Variants in DYRK1A observed in about 807,000 individuals in gnomAD.
The protein encoded by DYRK1A is dual specificity tyrosine-phosphorylation-regulated kinase 1A.
A neutral mutation model predicts 79.7 loss-of-function variants in DYRK1A; 9 were observed. That is an observed-to-expected ratio of 0.11 (90% CI 0.07 to 0.20). The LOEUF is 0.20. Among genes scored for constraint, DYRK1A ranks in the 10% least tolerant of loss-of-function variants. The probability of loss-of-function intolerance (pLI) is 1.00; values close to 1 mark genes in which losing one functional copy is unlikely to be tolerated. For missense variants in DYRK1A, 622 were observed against 956.0 expected (o/e 0.65, Z 4.61); for synonymous variants, 349 against 329.7 (o/e 1.06, Z -0.63).
chr21:37,470,390 C>T (rs2148550607), intron 2 of DYRK1A, among the ~76,000 whole-genome samples: 1 of 152,204 alleles, frequency 6.6e-6, no homozygotes, highest in East Asian at 1.9e-4. Context: ...TAGTATATAA[C>T]AGTGACATAG....
intron 1 of DYRK1A, among the ~76,000 whole-genome samples, chr21:37,395,338 G>C (rs1008868617): frequency 6.6e-6 from 1 of 152,180 alleles, no homozygotes; most frequent in Non-Finnish European, 1.5e-5. Context: ...TTCTCTGTAA[G>C]GATGATGTCG....
chr21:37,430,891 T>C (rs993745709), intron 2 of DYRK1A, among the ~76,000 whole-genome samples: 7 of 152,144 alleles, frequency 4.6e-5, no homozygotes, highest in Non-Finnish European at 8.8e-5. Context: ...ATGCGGCAGA[T>C]AGTTGTTTAG....
At chr21:37,397,921 T>A (rs950562310) in intron 1 of DYRK1A, among the ~76,000 whole-genome samples, 2 of 152,014 alleles carry the variant, frequency 1.3e-5, no homozygotes, top group East Asian at 3.9e-4. Context: ...GAGTTGTATT[T>A]CAAATTATTT....
At chr21:37,410,368 GA>G (rs2050221217) in intron 1 of DYRK1A, among the ~76,000 whole-genome samples, 2 of 152,174 alleles carry the variant, frequency 1.3e-5, no homozygotes, top group Admixed American at 1.3e-4. Flanking sequence ...AGGAATTTAG[GA>G]GATAATTTAT....
chr21:37,391,582 A>AT (rs2049870924), intron 1 of DYRK1A, among the ~76,000 whole-genome samples: 1 of 152,046 alleles, frequency 6.6e-6, no homozygotes, highest in South Asian at 2.1e-4. Context: ...GCCTTTTATT[A>AT]TTTTTTGCAG....
At chr21:37,378,648 C>G (rs972529818) in intron 1 of DYRK1A, among the ~76,000 whole-genome samples, 1 of 152,194 alleles carries the variant, frequency 6.6e-6, no homozygotes, top group Non-Finnish European at 1.5e-5. Flanking sequence ...TCTTGTTCTT[C>G]TTCAATTGAG....
chr21:37,445,786 A>C (rs1223967063), intron 2 of DYRK1A, among the ~76,000 whole-genome samples: 1 of 152,156 alleles, frequency 6.6e-6, no homozygotes, highest in Non-Finnish European at 1.5e-5. Flanking sequence ...AGTCATTTGT[A>C]ATCAGATGCC....
chr21:37,377,876 C>T (rs1389865094), intron 1 of DYRK1A, among the ~76,000 whole-genome samples: 1 of 152,208 alleles, frequency 6.6e-6, no homozygotes, highest in Non-Finnish European at 1.5e-5. Flanking sequence ...CTGGTGCGTA[C>T]TTCCTTGCAT....
chr21:37,487,555 A>G (rs2052916419), intron 6 of DYRK1A: 1 of 152,180 alleles, frequency 6.6e-6, no homozygotes, highest in Non-Finnish European at 1.5e-5. Context: ...TAAGATCAGC[A>G]CAGAGCCATA....
chr21:37,440,224 C>A (rs1461394568), intron 2 of DYRK1A, among the ~76,000 whole-genome samples: 57 of 139,290 alleles, frequency 4.1e-4, no homozygotes, highest in Admixed American at 1.5e-4. Flanking sequence ...CAACCTCCGC[C>A]CCCTGGGTTC....
At chr21:37,426,704 A>T (rs2050628657) in intron 2 of DYRK1A, among the ~76,000 whole-genome samples, 1 of 150,996 alleles carries the variant, frequency 6.6e-6, no homozygotes. Flanking sequence ...AGGTCAGGAG[A>T]TCGAGACCAT....
chr21:37,431,498 C>T (rs557926148), intron 2 of DYRK1A, among the ~76,000 whole-genome samples: 13 of 152,228 alleles, frequency 8.5e-5, no homozygotes, highest in South Asian at 2.1e-4. Context: ...CTTTGGGTTT[C>T]GACCGGGTGT....
At chr21:37,384,586 CAG>C (rs1569282409) in intron 1 of DYRK1A, among the ~76,000 whole-genome samples, 1 of 152,138 alleles carries the variant, frequency 6.6e-6, no homozygotes, top group Non-Finnish European at 1.5e-5. Flanking sequence ...AGGAATATAA[CAG>C]ATCCCAATAT....
In DYRK1A at chr21:37,517,313, G is replaced by C. The variant is rs374338845; in HGVS notation, c.*4782G>C. On this transcript the variant is annotated 3_prime_UTR_variant, in exon 12 of 12. Coordinates refer to ENST00000647188, the MANE Select transcript of DYRK1A (RefSeq NM_001347721.2). ...CCCAGCTCTGTTCGCATGGGAGGCC[G>C]GGCGATGCTGGCATGGGTGTGGTTG... The C allele has an allele frequency of 6.6e-6, 1 of 152,268 alleles. No homozygotes were observed. The highest frequency in any genetic ancestry group is 1.5e-5 in the Non-Finnish European group (1 of 68,124). 9.4% of individuals were successfully genotyped at this position (152,268 alleles called of 1,614,324 possible).
chr21:37,473,894 C>G (rs2052311949), intron 3 of DYRK1A, among the ~76,000 whole-genome samples: 1 of 152,150 alleles, frequency 6.6e-6, no homozygotes, highest in Non-Finnish European at 1.5e-5. Flanking sequence ...GACAGTTGTT[C>G]AGAATGTCCA....
intron 2 of DYRK1A, among the ~76,000 whole-genome samples, chr21:37,426,701 G>T (rs1026079298): frequency 6.6e-6 from 1 of 150,836 alleles, no homozygotes; most frequent in Non-Finnish European, 1.5e-5. Flanking sequence ...ACGAGGTCAG[G>T]AGATCGAGAC....
chr21:37,478,445 T>C (rs2052480899), intron 4 of DYRK1A, 145 bp downstream of exon 4: 2 of 610,426 alleles, frequency 3.3e-6, no homozygotes, highest in Non-Finnish European at 5.4e-6. Flanking sequence ...TTAGAAATAA[T>C]ATTACAATTA....
Position 37,516,974 on chromosome 21 carries a change from T to C in DYRK1A, c.*4443T>C, listed in dbSNP as rs543315931. 44 of 152,346 alleles carry C rather than the reference T, an allele frequency of 2.9e-4. No individual in the cohort carries two copies. The highest frequency in any genetic ancestry group is 9.4e-4 in the African/African-American group (39 of 41,580). 9.4% of individuals were successfully genotyped at this position (152,346 alleles called of 1,614,324 possible). A position where few individuals can be genotyped will look rare whatever the true frequency, so the allele number is the denominator to read the frequency against. ...ATTTTTCCCCATAATTTCCCATCTT[T>C]AGGGTATGTCCCTGTTATCAGGTGT... On this transcript the variant is annotated 3_prime_UTR_variant, in exon 12 of 12. Transcript: ENST00000647188.
intron 6 of DYRK1A, among the ~76,000 whole-genome samples, chr21:37,489,025 A>C (rs1300506142): frequency 6.6e-6 from 1 of 152,002 alleles, no homozygotes; most frequent in Non-Finnish European, 1.5e-5. Flanking sequence ...TTATTGTGTT[A>C]CTTATTCTAA....
Sources: allele counts gnomAD v4.1 joint callset (sites outside exome capture counted in the v4.1 genomes callset), GRCh38; gene constraint gnomAD v4.1.1; transcripts MANE v1.5; gene names NCBI Gene and HGNC (gene_info 2026-07-23, HGNC 2026-07-21).